Variants in LRP1B observed in about 807,000 individuals in gnomAD.
LRP1B encodes LDL receptor related protein 1B, also known as low-density lipoprotein receptor-related protein 1B.
A neutral mutation model predicts 556.6 loss-of-function variants in LRP1B; 217 were observed. That is an observed-to-expected ratio of 0.39 (90% CI 0.35 to 0.44). The LOEUF (loss-of-function observed/expected upper bound fraction) is 0.44, where lower values mean the gene tolerates loss of function less well. Among genes scored for constraint, LRP1B ranks in the 20% least tolerant of loss-of-function variants. LRP1B has a pLI of 1.00. For synonymous variants in LRP1B, 2,047 were observed against 1,865.8 expected (o/e 1.10, Z -2.50); for missense variants, 5,053 against 5,620.8 (o/e 0.90, Z 3.23).
At chr2:140,819,984 T>C (rs574260034) in intron 31 of LRP1B, among the ~76,000 whole-genome samples, 2 of 152,200 alleles carry the variant, frequency 1.3e-5, no homozygotes, top group East Asian at 3.9e-4. Context: ...CACAATAATG[T>C]CCATATAAAC....
chr2:140,729,299 A>G (rs1184283803), intron 35 of LRP1B, among the ~76,000 whole-genome samples: 1 of 152,262 alleles, frequency 6.6e-6, no homozygotes, highest in Non-Finnish European at 1.5e-5. Flanking sequence ...ATATTTTTAG[A>G]AAGGTAAAGT....
chr2:141,162,128 T>C (rs1427510386), intron 7 of LRP1B, among the ~76,000 whole-genome samples: 1 of 152,090 alleles, frequency 6.6e-6, no homozygotes, highest in Non-Finnish European at 1.5e-5. Context: ...AATCCCCAGG[T>C]TGCCACTGGT....
At chr2:141,326,157 G>A (rs1294201024) in intron 3 of LRP1B, among the ~76,000 whole-genome samples, 3 of 152,054 alleles carry the variant, frequency 2.0e-5, no homozygotes, top group Admixed American at 2.0e-4. Flanking sequence ...GTCATCTGTG[G>A]CAAGGCATTG....
chr2:140,606,964 A>C (rs943925464), intron 41 of LRP1B, among the ~76,000 whole-genome samples: 1 of 152,082 alleles, frequency 6.6e-6, no homozygotes, highest in African/African-American at 2.4e-5. Flanking sequence ...ATCTCATCAA[A>C]ATGAAAAACT....
chr2:140,663,648 C>A (rs1028512665), intron 41 of LRP1B, among the ~76,000 whole-genome samples: 1 of 151,962 alleles, frequency 6.6e-6, no homozygotes, highest in Non-Finnish European at 1.5e-5. Context: ...GCTGGTTTGA[C>A]CTTCTCTCCC....
At chr2:141,624,758 GTATT>G (rs1284962052) in intron 2 of LRP1B, among the ~76,000 whole-genome samples, 11 of 151,920 alleles carry the variant, frequency 7.2e-5, no homozygotes, top group Admixed American at 3.3e-4. Flanking sequence ...ATTTATTTAT[GTATT>G]TATTTATTTT....
intron 3 of LRP1B, among the ~76,000 whole-genome samples, chr2:141,464,768 C>T (rs1193910462): frequency 6.6e-6 from 1 of 151,166 alleles, no homozygotes; most frequent in African/African-American, 2.4e-5. Flanking sequence ...TGGTCCAGTG[C>T]CTATATAATG....
At chr2:141,345,908 G>A (rs1334913680) in intron 3 of LRP1B, among the ~76,000 whole-genome samples, 2 of 151,506 alleles carry the variant, frequency 1.3e-5, no homozygotes, top group Admixed American at 1.3e-4. Flanking sequence ...TTCTTGAATT[G>A]TTTTCTCTAC....
chr2:141,405,160 G>C (rs1232419898), intron 3 of LRP1B, among the ~76,000 whole-genome samples: 4 of 152,068 alleles, frequency 2.6e-5, no homozygotes, highest in African/African-American at 9.7e-5. Context: ...GTATTTATCA[G>C]ACCATATTTA....
At chr2:141,520,377 A>G (rs1030342675) in intron 2 of LRP1B, among the ~76,000 whole-genome samples, 3 of 152,190 alleles carry the variant, frequency 2.0e-5, no homozygotes, top group Non-Finnish European at 4.4e-5. Flanking sequence ...CCCTGACTAA[A>G]GCCACTTAAA....
intron 3 of LRP1B, among the ~76,000 whole-genome samples, chr2:141,452,363 T>G (rs1681452748): frequency 6.6e-6 from 1 of 152,194 alleles, no homozygotes; most frequent in South Asian, 2.1e-4. Context: ...TAATGCCTGA[T>G]GAGACTTTTT....
chr2:141,390,298 A>G (rs1690001850), intron 3 of LRP1B, among the ~76,000 whole-genome samples: 1 of 152,186 alleles, frequency 6.6e-6, no homozygotes, highest in South Asian at 2.1e-4. Flanking sequence ...AAAGAAAAAA[A>G]AAGCGTTGAT....
chr2:141,780,292 A>T (rs1013413304), intron 2 of LRP1B, among the ~76,000 whole-genome samples: 1 of 151,626 alleles, frequency 6.6e-6, no homozygotes, highest in African/African-American at 2.4e-5. Flanking sequence ...AGTTTTAAAC[A>T]TTTTTTTTGG....
intron 7 of LRP1B, among the ~76,000 whole-genome samples, chr2:141,173,931 C>G (rs903234498): frequency 9.9e-5 from 15 of 151,950 alleles, no homozygotes; most frequent in African/African-American, 3.6e-4. Context: ...CTATATTATA[C>G]TATGTTTACA....
At chr2:141,119,402 G>C (rs1294378662) in intron 7 of LRP1B, among the ~76,000 whole-genome samples, 1 of 151,774 alleles carries the variant, frequency 6.6e-6, no homozygotes, top group African/African-American at 2.4e-5. Flanking sequence ...ACATTTGCTA[G>C]ATATTCTAAA....
rs558164062 is a variant in LRP1B, at chr2:141,642,958, C to T, written c.206-162425G>A. On this transcript the variant is annotated intron_variant, in intron 2 of 90. Coordinates refer to ENST00000389484, the MANE Select transcript of LRP1B (RefSeq NM_018557.3). ...TTGCCAATACAATTAAAGGGTGGGT[C>T]GAGACCAATGTGAACTCTACAGTTA... is the stretch of plus-strand genomic sequence containing the variant. Among the ~76,000 whole-genome samples, 21 of 151,890 alleles carry T rather than the reference C, an allele frequency of 1.4e-4. No individual in the cohort carries two copies. The South Asian group carries it at 4.4e-3, about 32-fold the overall frequency.
chr2:141,125,125 A>T (rs1701168384), intron 7 of LRP1B, among the ~76,000 whole-genome samples: 1 of 152,244 alleles, frequency 6.6e-6, no homozygotes, highest in Admixed American at 6.5e-5. Flanking sequence ...CTAGAGAATA[A>T]GGAACCATAT....
At chr2:141,956,055 C>G (rs1701241462) in intron 1 of LRP1B, among the ~76,000 whole-genome samples, 1 of 151,680 alleles carries the variant, frequency 6.6e-6, no homozygotes. Context: ...AAAAAAATCC[C>G]TGAAGTTATC....
chr2:140,321,848 G>T, intron 82 of LRP1B, 115 bp downstream of exon 82: 1 of 986,660 alleles, frequency 1.0e-6, no homozygotes, highest in Non-Finnish European at 1.5e-6. Flanking sequence ...AAGAACCACT[G>T]CTATCAAGGT....
Sources: allele counts gnomAD v4.1 joint callset (sites outside exome capture counted in the v4.1 genomes callset), GRCh38; gene constraint gnomAD v4.1.1; transcripts MANE v1.5; gene names NCBI Gene and HGNC (gene_info 2026-07-23, HGNC 2026-07-21).